RAB27A: variants seen among roughly 807,000 people sequenced by gnomAD.
The protein encoded by RAB27A is ras-related protein Rab-27A.
In RAB27A, 17 loss-of-function variants were observed where a neutral mutation model predicts 20.8. That is an observed-to-expected ratio of 0.82 (90% CI 0.56 to 1.23). RAB27A has a LOEUF of 1.23. Among genes scored for constraint, RAB27A ranks in the 50% most tolerant of loss-of-function variants. The pLI is 0.00. For missense variants in RAB27A, 277 were observed against 266.7 expected, an observed-to-expected ratio of 1.04 and a Z score of -0.27; for synonymous variants, 85 against 92.8, an observed-to-expected ratio of 0.92 and a Z score of 0.48.
intron 6 of RAB27A, among the ~76,000 whole-genome samples, chr15:55,217,663 CAAAAAAA>C (rs199813098): frequency 2.1e-4 from 9 of 43,544 alleles, no homozygotes; most frequent in African/African-American, 5.3e-4. Context: ...CACTCCATCT[CAAAAAAA>C]AAAAAAAAAA....
intron 2 of RAB27A, among the ~76,000 whole-genome samples, chr15:55,301,659 T>TC (rs1257493006): frequency 6.6e-6 from 1 of 150,434 alleles, no homozygotes; most frequent in Non-Finnish European, 1.5e-5. Context: ...TTTTTTTTTT[T>TC]TTTTTGAGGC....
intron 2 of RAB27A, among the ~76,000 whole-genome samples, chr15:55,303,279 T>G (rs868396249): frequency 1.0e-4 from 7 of 69,484 alleles, no homozygotes; most frequent in Admixed American, 1.3e-4. Context: ...GCCCCCCGCC[T>G]GGCCAGCCGC....
In RAB27A at chr15:55,207,421, C is replaced by T. The variant is rs542558369; in HGVS notation, c.468-1716G>A. ...TCTTAGGGCAGCCAGAGTCCCTGAA[C>T]CAGTCTCCTCCAAACTTGAGCAGCC... On this transcript the variant is annotated intron_variant, in intron 6 of 6. Coordinates refer to ENST00000336787, the MANE Select transcript of RAB27A (RefSeq NM_183235.3). Among the ~76,000 whole-genome samples, 10 of 152,296 alleles carry T rather than the reference C, an allele frequency of 6.6e-5. No homozygotes were observed. In the East Asian group the frequency reaches 1.2e-3, roughly 18 times the overall value.
chr15:55,302,380 A>G (rs1378056240), intron 2 of RAB27A, among the ~76,000 whole-genome samples: 25 of 151,272 alleles, frequency 1.7e-4, no homozygotes, highest in East Asian at 4.0e-4. Context: ...TCAGTGCTCA[A>G]TGGTGCCCAG....
intron 2 of RAB27A, among the ~76,000 whole-genome samples, chr15:55,264,170 C>T (rs993871561): frequency 2.6e-5 from 4 of 152,160 alleles, no homozygotes; most frequent in Non-Finnish European, 4.4e-5. Flanking sequence ...CATGCCTCAG[C>T]CTCCCAAGTA....
At chr15:55,243,497 A>C (rs748917155) in intron 2 of RAB27A, among the ~76,000 whole-genome samples, 8 of 152,114 alleles carry the variant, frequency 5.3e-5, no homozygotes, top group Non-Finnish European at 1.2e-4. Context: ...TCTACTAAAA[A>C]TACAAAAAAT....
chr15:55,231,417 T>C (rs1010670366), intron 3 of RAB27A, among the ~76,000 whole-genome samples: 1 of 152,104 alleles, frequency 6.6e-6, no homozygotes, highest in Admixed American at 6.5e-5. Context: ...TCCTCCACAA[T>C]AGCAACAAAA....
chr15:55,275,918 T>TA (rs60106785), intron 1 of RAB27A, among the ~76,000 whole-genome samples: 25,270 of 104,044 alleles, frequency 0.24, 3,596 homozygotes, highest in East Asian at 0.53. Context: ...GATGGCTAAT[T>TA]AAAAAAAAAA....
intron 6 of RAB27A, among the ~76,000 whole-genome samples, chr15:55,210,861 T>A (rs1412179800): frequency 6.6e-6 from 1 of 152,170 alleles, no homozygotes; most frequent in Non-Finnish European, 1.5e-5. Context: ...CTGGAGTGTT[T>A]CCCAAATGTT....
chr15:55,211,085 T>C (rs1895004953), intron 6 of RAB27A, among the ~76,000 whole-genome samples: 1 of 152,220 alleles, frequency 6.6e-6, no homozygotes, highest in African/African-American at 2.4e-5. Flanking sequence ...CATGGATTTA[T>C]ATCTGGGTTC....
At chr15:55,264,212 G>A (rs927310166) in intron 2 of RAB27A, among the ~76,000 whole-genome samples, 2 of 151,992 alleles carry the variant, frequency 1.3e-5, no homozygotes, top group African/African-American at 4.8e-5. Flanking sequence ...CACCACATCC[G>A]GTTAATTTTT....
At chr15:55,209,914 GTATATACACACATATA>G (rs1894882714) in intron 6 of RAB27A, among the ~76,000 whole-genome samples, 1 of 78,618 alleles carries the variant, frequency 1.3e-5, no homozygotes, top group East Asian at 2.7e-4. Flanking sequence ...GTGTGTGTAT[GTATATACACACATATA>G]TGTATGTACA....
intron 2 of RAB27A, among the ~76,000 whole-genome samples, chr15:55,249,544 G>A (rs548468932): frequency 1.3e-5 from 2 of 152,260 alleles, no homozygotes; most frequent in East Asian, 3.9e-4. Context: ...GCCTCCCAAA[G>A]TGGTGAAATT....
chr15:55,295,210 G>T (rs190685104), intron 2 of RAB27A, among the ~76,000 whole-genome samples: 443 of 151,894 alleles, frequency 2.9e-3, no homozygotes, highest in African/African-American at 0.01. Flanking sequence ...GAAGGAGAAG[G>T]AAAGGGAGGG....
chr15:55,271,096 C>T (rs1007701464), intron 1 of RAB27A, among the ~76,000 whole-genome samples: 1 of 152,174 alleles, frequency 6.6e-6, no homozygotes, highest in African/African-American at 2.4e-5. Context: ...CTGGTCCCCA[C>T]GTATTCTTGA....
chr15:55,228,048 T>G (rs1041017867), intron 5 of RAB27A, among the ~76,000 whole-genome samples: 34 of 152,338 alleles, frequency 2.2e-4, no homozygotes, highest in African/African-American at 7.5e-4. Context: ...TGACATATAT[T>G]GCACTGGTGA....
intron 2 of RAB27A, among the ~76,000 whole-genome samples, chr15:55,255,521 A>G (rs1439512668): frequency 1.3e-5 from 2 of 152,128 alleles, no homozygotes; most frequent in African/African-American, 2.4e-5. Context: ...TGTGTCTATC[A>G]TCTGCTTTCT....
intron 2 of RAB27A, among the ~76,000 whole-genome samples, chr15:55,306,472 G>A (rs1433281078): frequency 6.6e-6 from 1 of 152,134 alleles, no homozygotes; most frequent in African/African-American, 2.4e-5. Flanking sequence ...TATGTACTCA[G>A]GTCAGTTGGG....
At chr15:55,310,853 C>T (rs2055017247) in intron 2 of RAB27A, among the ~76,000 whole-genome samples, 1 of 152,328 alleles carries the variant, frequency 6.6e-6, no homozygotes, top group Admixed American at 6.5e-5. Context: ...AATCAGGTGA[C>T]AGAGAGGTAT....
Sources: gnomAD v4.1 joint callset for allele counts (sites outside exome capture counted in the v4.1 genomes callset) on GRCh38, gnomAD v4.1.1 for gene constraint, MANE v1.5 for transcripts, NCBI Gene and HGNC (gene_info 2026-07-23, HGNC 2026-07-21) for gene names.